The following UNC13B variants were observed in gnomAD, a reference collection of about 807,000 sequenced individuals.
UNC13B encodes unc-13 homolog B, also known as protein unc-13 homolog B.
A neutral mutation model predicts 211.0 loss-of-function variants in UNC13B; 144 were observed. The observed-to-expected ratio is 0.68, with a 90% CI of 0.60 to 0.78. UNC13B has a LOEUF of 0.78. Ranked by LOEUF, UNC13B falls within the 30% of genes least tolerant of loss-of-function variation. The probability of loss-of-function intolerance (pLI) is 0.00; values close to 1 mark genes in which losing one functional copy is unlikely to be tolerated. For missense variants in UNC13B, 1,777 were observed against 2,002.0 expected, an observed-to-expected ratio of 0.89 and a Z score of 2.14; for synonymous variants, 709 against 725.8, an observed-to-expected ratio of 0.98 and a Z score of 0.37.
chr9:35,353,196 ATGTC>A, intron 11 of UNC13B: 1 of 1,232,184 alleles, frequency 8.1e-7, no homozygotes. Flanking sequence ...GTCCTCAAGG[ATGTC>A]TTTGACAAGT....
chr9:35,250,097 G>A (rs1191655873), intron 6 of UNC13B, among the ~76,000 whole-genome samples: 1 of 151,698 alleles, frequency 6.6e-6, no homozygotes, highest in Non-Finnish European at 1.5e-5. Context: ...TTTATTCTAG[G>A]GTATGGCATT....
chr9:35,200,436 AT>A (rs1823213656), intron 1 of UNC13B, among the ~76,000 whole-genome samples: 1 of 152,174 alleles, frequency 6.6e-6, no homozygotes, highest in Non-Finnish European at 1.5e-5. Flanking sequence ...CAGTATGGCC[AT>A]TTTCACAATA....
intron 11 of UNC13B, among the ~76,000 whole-genome samples, chr9:35,357,305 G>C (rs184755818): frequency 7.5e-4 from 114 of 152,194 alleles, no homozygotes; most frequent in Non-Finnish European, 1.4e-3. Context: ...TTGTGGTTTT[G>C]ATTTGTGTTT....
intron 1 of UNC13B, among the ~76,000 whole-genome samples, chr9:35,222,039 C>G (rs952348586): frequency 6.6e-6 from 1 of 152,196 alleles, no homozygotes; most frequent in Non-Finnish European, 1.5e-5. Flanking sequence ...GCCAATACCA[C>G]ACTGTCTTGA....
At chr9:35,227,779 G>C in intron 1 of UNC13B, 1 of 415,260 alleles carries the variant, frequency 2.4e-6, no homozygotes, top group Admixed American at 4.2e-5. Context: ...CCACCTTGTT[G>C]TCAGGAGCCT....
intron 11 of UNC13B, chr9:35,352,483 A>G (rs185527566): frequency 4.1e-6 from 5 of 1,232,138 alleles, no homozygotes; most frequent in Admixed American, 8.4e-5. Context: ...AGGAGTCTAT[A>G]TCATTTTTTC....
rs1192768900 is a variant in UNC13B at position 35,377,682 on chromosome 9, G to A, written c.10050G>A (p.Lys3350=). 1 of 1,613,854 alleles carries A rather than the reference G, an allele frequency of 6.2e-7. No homozygotes were observed. The highest frequency in any genetic ancestry group is 1.3e-5 in the African/African-American group (1 of 74,948). ...VLDGTSKWSA[K]ITITVVCAQG... ...ATGGCACCTCCAAATGGTCAGCCAA[G>A]ATCACCATTACTGGTGAGCAGGCCA... Residue 3350 remains lysine, a synonymous_variant, in exon 16 of 40, where the codon AAG becomes AAA. Coordinates refer to ENST00000635942, the MANE Select transcript of UNC13B (RefSeq NM_001371189.2).
chr9:35,216,223 A>T (rs977152104), intron 1 of UNC13B, among the ~76,000 whole-genome samples: 1 of 152,234 alleles, frequency 6.6e-6, no homozygotes, highest in African/African-American at 2.4e-5. Context: ...CATGATAAAA[A>T]TTCATGGTAA....
At chr9:35,358,690 A>AT (rs918370577) in intron 11 of UNC13B, among the ~76,000 whole-genome samples, 6,368 of 108,684 alleles carry the variant, frequency 0.059, 623 homozygotes, top group African/African-American at 0.18. Context: ...TAGGTCTATG[A>AT]TTTTTTTTTT....
intron 11 of UNC13B, among the ~76,000 whole-genome samples, chr9:35,334,962 C>T (rs1410114489): frequency 2.0e-5 from 3 of 152,190 alleles, no homozygotes; most frequent in East Asian, 1.9e-4. Flanking sequence ...CACTTGAACC[C>T]GGGAGGTGGA....
At chr9:35,363,504 C>T (rs569126369) in intron 11 of UNC13B, among the ~76,000 whole-genome samples, 8 of 152,292 alleles carry the variant, frequency 5.3e-5, no homozygotes, top group African/African-American at 1.7e-4. Context: ...TTGGAGGATT[C>T]CTTGTCACCT....
chr9:35,292,006 G>A (rs1829122879), intron 7 of UNC13B, among the ~76,000 whole-genome samples: 1 of 152,174 alleles, frequency 6.6e-6, no homozygotes. Context: ...TCGCCAAGCA[G>A]TAGGTGACCT....
At chr9:35,186,863 C>T (rs1326150600) in intron 1 of UNC13B, among the ~76,000 whole-genome samples, 1 of 151,806 alleles carries the variant, frequency 6.6e-6, no homozygotes, top group Non-Finnish European at 1.5e-5. Flanking sequence ...CCGCGCCCGG[C>T]CACGAGATGC....
intron 1 of UNC13B, among the ~76,000 whole-genome samples, chr9:35,217,535 C>T (rs1824322442): frequency 2.0e-5 from 3 of 151,882 alleles, no homozygotes; most frequent in South Asian, 2.1e-4. Flanking sequence ...ACTACAGGGG[C>T]GTGCCACCAC....
At chr9:35,403,720 C>T in intron 39 of UNC13B, 28 bp from the exon 40 acceptor site, 1 of 1,612,400 alleles carries the variant, frequency 6.2e-7, no homozygotes, top group Non-Finnish European at 8.5e-7. Context: ...TCAACTCTGG[C>T]CTCATAACTT....
Position 35,303,119 on chromosome 9 carries a change from C to T in UNC13B, c.3715C>T (p.His1239Tyr), listed in dbSNP as rs1258176700. 1 of 398,486 alleles carries T rather than the reference C, an allele frequency of 2.5e-6. No homozygotes were observed. Among genetic ancestry groups the T allele is most frequent in the African/African-American group, 2.1e-5 (1 of 48,588 alleles). The allele number at this position is 398,486 out of a possible 1,614,324, so 24.7% of individuals were successfully genotyped here. Reference sequence around the variant, plus strand: ...TGTGACTTCTGAGAACCCGAAGAACCATGTTGAAAAACATGAAACTTCTAG... The same window carrying T: ...TGTGACTTCTGAGAACCCGAAGAACTATGTTGAAAAACATGAAACTTCTAG... ...SCVTSENPKN[H>Y]VEKHETSSFI... Residue 1239 changes from histidine to tyrosine, a missense_variant, in exon 9 of 40, where the codon CAT (histidine) becomes TAT (tyrosine). Transcript: ENST00000635942.
At chr9:35,346,173 A>G (rs947125267) in intron 11 of UNC13B, among the ~76,000 whole-genome samples, 7 of 152,310 alleles carry the variant, frequency 4.6e-5, no homozygotes, top group Non-Finnish European at 8.8e-5. Flanking sequence ...CATATTAGCC[A>G]TACAACATAA....
intron 7 of UNC13B, among the ~76,000 whole-genome samples, chr9:35,265,997 G>A (rs1233534452): frequency 6.6e-6 from 1 of 151,912 alleles, no homozygotes; most frequent in African/African-American, 2.4e-5. Context: ...GCTAATTTTT[G>A]TATTTTTGTT....
In UNC13B at chr9:35,294,267, C is replaced by T. The variant is rs552792832; in HGVS notation, c.527-1429C>T. On this transcript the variant is annotated intron_variant, in intron 7 of 39. Transcript: ENST00000635942. Reference sequence around the variant, plus strand: ...GAGCAATTGTAAAAGCCTAATCTTACGGTCTTCAGGAGGTTTCCACTGCCC... The same window carrying T: ...GAGCAATTGTAAAAGCCTAATCTTATGGTCTTCAGGAGGTTTCCACTGCCC... Among the ~76,000 whole-genome samples, 77 of 151,820 alleles carry T rather than the reference C, an allele frequency of 5.1e-4. 2 individuals carry two copies. The South Asian group carries it at 0.015, about 29-fold the overall frequency.
Sources: gnomAD v4.1 joint callset for allele counts (sites outside exome capture counted in the v4.1 genomes callset) on GRCh38, gnomAD v4.1.1 for gene constraint, MANE v1.5 for transcripts, NCBI Gene and HGNC (gene_info 2026-07-23, HGNC 2026-07-21) for gene names.